CARS2: variants seen among roughly 807,000 people sequenced by gnomAD.
CARS2 encodes the protein cysteinyl-tRNA synthetase 2, mitochondrial.
A neutral mutation model predicts 68.8 loss-of-function variants in CARS2; 52 were observed. The ratio of observed to expected loss-of-function variants is 0.76; its 90% CI spans 0.61 to 0.95. The LOEUF (loss-of-function observed/expected upper bound fraction) is 0.95. Among genes scored for constraint, CARS2 ranks in the 40% least tolerant of loss-of-function variants. CARS2 has a pLI of 0.00. For synonymous variants in CARS2, 314 were observed against 303.6 expected (o/e 1.03, Z -0.36); for missense variants, 780 against 754.2 (o/e 1.03, Z -0.40).
chr13:110,642,704 G>A (rs1281543905), intron 13 of CARS2, 183 bp from the exon 14 acceptor site: 2 of 765,494 alleles, frequency 2.6e-6, no homozygotes, highest in East Asian at 2.4e-5. Flanking sequence ...TGGGCTCTGG[G>A]CAAGGCTCCA....
rs1443847681 is a variant in CARS2, at chr13:110,641,623, T to C, written c.1624-15A>G. On this transcript the variant is annotated splice_polypyrimidine_tract_variant and intron_variant, in intron 14 of 14. Coordinates refer to ENST00000257347, the MANE Select transcript of CARS2 (RefSeq NM_024537.4). ...CTGCTTCTGTCCTGGAGAAGAAGAGTGAGGTCCAACTCTGAGCAGACACCA... is the reference window on the plus strand; with the variant it reads ...CTGCTTCTGTCCTGGAGAAGAAGAGCGAGGTCCAACTCTGAGCAGACACCA... 2 of 1,607,298 alleles carry C rather than the reference T, an allele frequency of 1.2e-6. No homozygotes were observed. Among genetic ancestry groups the C allele is most frequent in the Non-Finnish European group, 1.7e-6 (2 of 1,174,308 alleles).
intron 12 of CARS2, 40 bp downstream of exon 12, chr13:110,645,927 C>G (rs770340849): frequency 4.4e-5 from 71 of 1,601,020 alleles, no homozygotes; most frequent in Non-Finnish European, 5.6e-5. Flanking sequence ...ACCCATGCCC[C>G]TGGCAGCAGG....
rs1018450947 is a variant in CARS2 at position 110,665,282 on chromosome 13, C to A, written c.920-1764G>T. ...CCAACATGGTGAAACCCTGCTTCTA[C>A]TAAAAATACAAAAATTAGCTGGGTA... On this transcript the variant is annotated intron_variant, in intron 8 of 14. Coordinates refer to ENST00000257347, the MANE Select transcript of CARS2 (RefSeq NM_024537.4). The surrounding 1 kb of genome is among the most constrained non-coding windows in gnomAD (Gnocchi z 4.3). 3 of 684,716 alleles carry A rather than the reference C, an allele frequency of 4.4e-6. No homozygotes were observed. The African/African-American group carries it at 5.8e-5, about 13-fold the overall frequency. 42.4% of individuals were successfully genotyped at this position (684,716 alleles called of 1,614,324 possible). A position where few individuals can be genotyped will look rare whatever the true frequency, so the allele number is the denominator to read the frequency against.
intron 9 of CARS2, 111 bp from the exon 10 acceptor site, chr13:110,651,211 T>C: frequency 1.5e-6 from 1 of 673,594 alleles, no homozygotes; most frequent in Non-Finnish European, 2.4e-6. Flanking sequence ...TATCAAGAAA[T>C]CAGGAACCTT....
In CARS2 at chr13:110,642,313, A is replaced by G. The variant is rs1166027930; in HGVS notation, c.1623+2T>C. On this transcript the variant is annotated splice_donor_variant, in intron 14 of 14. Coordinates refer to ENST00000257347, the MANE Select transcript of CARS2 (RefSeq NM_024537.4). LOFTEE classifies it high-confidence loss of function. Reference sequence around the variant, plus strand: ...TGTCCCTGACCTTGGTGCGGCACTCACCTTGATGTTGATGCCGTGGGCAGT... The same window carrying G: ...TGTCCCTGACCTTGGTGCGGCACTCGCCTTGATGTTGATGCCGTGGGCAGT... 1 of 1,548,384 alleles carries G rather than the reference A, an allele frequency of 6.5e-7. No homozygotes were observed. Among genetic ancestry groups the G allele is most frequent in the Non-Finnish European group, 8.7e-7 (1 of 1,145,626 alleles).
intron 9 of CARS2, among the ~76,000 whole-genome samples, chr13:110,660,270 T>C (rs911417919): frequency 2.0e-5 from 3 of 152,220 alleles, no homozygotes; most frequent in African/African-American, 7.2e-5. Context: ...AATGATGTCC[T>C]GAACCCCTCA....
rs182887405 is a variant in CARS2, at chr13:110,665,688, T to C, written c.919+1652A>G. On this transcript the variant is annotated intron_variant, in intron 8 of 14. Transcript: ENST00000257347. This position sits in a 1 kb window ranked among gnomAD's most constrained non-coding sequence, Gnocchi z 4.3. Reference sequence around the variant, plus strand: ...GAAACGTGCCTGCGGAGGGAGCAACTCCAGCTCCTCAGACAGTTCAGGGAG... The same window carrying C: ...GAAACGTGCCTGCGGAGGGAGCAACCCCAGCTCCTCAGACAGTTCAGGGAG... 3,553 of 985,242 alleles carry C rather than the reference T, an allele frequency of 3.6e-3. 8 individuals are homozygous for C. Among genetic ancestry groups the C allele is most frequent in the Admixed American group, 6.0e-3 (98 of 16,266 alleles). The allele number at this position is 985,242 out of a possible 1,614,324, so 61.0% of individuals were successfully genotyped here.
rs1266601263 is a variant in CARS2, at chr13:110,663,461, A to G, written c.977T>C (p.Ile326Thr). Residue 326 changes from isoleucine to threonine, a missense_variant, in exon 9 of 15, where the codon ATT becomes ACT. Physicochemically the swap from Ile to Thr is moderately conservative, Grantham distance 89. Coordinates refer to ENST00000257347, the MANE Select transcript of CARS2 (RefSeq NM_024537.4). ...EKMSKSLKNY[I>T]TIKDFLKTFS... ...CAAAAAGCACGTTACCTTAATAGTA[A>G]TGTAGTTCTTTAATGATTTGGACAT... The G allele has an allele frequency of 6.2e-7, 1 of 1,613,578 alleles. No individual in the cohort carries two copies. Among genetic ancestry groups the G allele is most frequent in the Non-Finnish European group, 8.5e-7 (1 of 1,179,778 alleles).
chr13:110,695,978 T>C (rs997428697), intron 3 of CARS2, among the ~76,000 whole-genome samples: 2 of 152,150 alleles, frequency 1.3e-5, no homozygotes, highest in Admixed American at 1.3e-4. Flanking sequence ...CCTCCCTGTG[T>C]CCATGTGCTC....
rs899852369 is a variant in CARS2, at chr13:110,666,103, A to G, written c.919+1237T>C. On this transcript the variant is annotated intron_variant, in intron 8 of 14. Transcript: ENST00000257347. ...CAGAAGTCCTTGGGCCACGGAAGAG[A>G]GACCTCCTTCCCCATGGTCAAAAGT... 105 of 985,288 alleles carry G rather than the reference A, an allele frequency of 1.1e-4. No homozygotes were observed. The African/African-American group carries it at 1.5e-3, about 14-fold the overall frequency. 61.0% of individuals were successfully genotyped at this position (985,288 alleles called of 1,614,324 possible).
rs762741944 is a variant in CARS2 at position 110,705,668 on chromosome 13, C to A, written c.225-97G>T. The A allele has an allele frequency of 3.4e-6, 5 of 1,477,360 alleles. No homozygotes were observed. The highest frequency in any genetic ancestry group is 4.7e-6 in the Non-Finnish European group (5 of 1,071,256). The allele number at this position is 1,477,360 out of a possible 1,614,324, so 91.5% of individuals were successfully genotyped here. ...GATCATATAATTTTTAAAGTAATCA[C>A]TTCTGGGGGATGAATAGCCGGGGTT... On this transcript the variant is annotated intron_variant, in intron 1 of 14. Coordinates refer to ENST00000257347, the MANE Select transcript of CARS2 (RefSeq NM_024537.4). The surrounding 1 kb of genome is among the most constrained non-coding windows in gnomAD (Gnocchi z 4.0).
chr13:110,689,670 G>A (rs1295976057), intron 3 of CARS2, among the ~76,000 whole-genome samples: 1 of 152,184 alleles, frequency 6.6e-6, no homozygotes, highest in Admixed American at 6.5e-5. Context: ...GGGCAGGACA[G>A]CTTTGTAAAA....
chr13:110,704,800 T>C (rs117806869), intron 2 of CARS2, among the ~76,000 whole-genome samples: 3,871 of 152,256 alleles, frequency 0.025, 83 homozygotes, highest in Non-Finnish European at 0.039. Context: ...GACTGAACAA[T>C]ACTAAGTTTT....
chr13:110,668,620 G>A lies in CARS2; in HGVS notation c.786-1147C>T, dbSNP rs1405913797. Among the ~76,000 whole-genome samples the A allele has an allele frequency of 5.3e-5, 8 of 152,164 alleles. No individual in the cohort carries two copies. Among genetic ancestry groups the A allele is most frequent in the Non-Finnish European group, 8.8e-5 (6 of 68,038 alleles). ...TAACATTCCCTGCAGTTCAAATGCT[G>A]TGAAGGAGACTGTGGGACCAGGAGT... On this transcript the variant is annotated intron_variant, in intron 7 of 14. Transcript: ENST00000257347. The surrounding 1 kb of genome is among the most constrained non-coding windows in gnomAD (Gnocchi z 4.1).
At chr13:110,672,410 C>T (rs1313726916) in intron 7 of CARS2, among the ~76,000 whole-genome samples, 3 of 152,204 alleles carry the variant, frequency 2.0e-5, no homozygotes, top group Non-Finnish European at 2.9e-5. Context: ...GATTAAGAAA[C>T]TCACTCAAAA....
chr13:110,652,497 C>T (rs1392505635), intron 9 of CARS2, among the ~76,000 whole-genome samples: 2 of 152,100 alleles, frequency 1.3e-5, no homozygotes, highest in Non-Finnish European at 2.9e-5. Flanking sequence ...CTTCAGCGGC[C>T]TCGCCCACCC....
chr13:110,711,986 A>G (rs1235959827), intron 1 of CARS2, among the ~76,000 whole-genome samples: 1 of 152,258 alleles, frequency 6.6e-6, no homozygotes, highest in Non-Finnish European at 1.5e-5. Context: ...GTTCCATCAA[A>G]TACCACGTTT....
At chr13:110,657,994 C>T (rs187568117) in intron 9 of CARS2, among the ~76,000 whole-genome samples, 1 of 152,234 alleles carries the variant, frequency 6.6e-6, no homozygotes, top group African/African-American at 2.4e-5. Flanking sequence ...CCTCACTTCC[C>T]GTGAAACGAA....
rs550568106 is a variant in CARS2 at position 110,694,039 on chromosome 13, T to C, written c.394-6021A>G. Among the ~76,000 whole-genome samples, 5 of 152,134 alleles carry C rather than the reference T, an allele frequency of 3.3e-5. No homozygotes were observed. In the East Asian group the frequency reaches 9.9e-4, roughly 30 times the overall value. On this transcript the variant is annotated intron_variant, in intron 3 of 14. Transcript: ENST00000257347. Reference sequence around the variant, plus strand: ...TTCGGTTTTTTTGTTTTGTTTTTTATTTTTTGAGATGTAGTTTTGCTCTTG... The same window carrying C: ...TTCGGTTTTTTTGTTTTGTTTTTTACTTTTTGAGATGTAGTTTTGCTCTTG...
Sources: gnomAD v4.1 joint callset for allele counts (sites outside exome capture counted in the v4.1 genomes callset) on GRCh38, gnomAD v4.1.1 for gene constraint, Gnocchi (gnomAD v3.1) non-coding constraint, MANE v1.5 for transcripts, NCBI Gene and HGNC (gene_info 2026-07-23, HGNC 2026-07-21) for gene names.